COL4A3: variants seen among roughly 807,000 people sequenced by gnomAD.
COL4A3 encodes collagen type IV alpha 3 chain, also known as collagen alpha-3(IV) chain.
A neutral mutation model predicts 217.4 loss-of-function variants in COL4A3; 135 were observed. The ratio of observed to expected loss-of-function variants is 0.62; its 90% confidence interval spans 0.54 to 0.72. COL4A3 has a LOEUF of 0.72. Among genes scored for constraint, COL4A3 ranks in the 30% least tolerant of loss-of-function variants. COL4A3 has a pLI of 0.00. For synonymous variants in COL4A3, 690 were observed against 736.3 expected, an observed-to-expected ratio of 0.94 and a Z score of 1.02; for missense variants, 1,868 against 2,119.9, an observed-to-expected ratio of 0.88 and a Z score of 2.33.
At chr2:227,176,318 C>T (rs1246958763) in intron 1 of COL4A3, among the ~76,000 whole-genome samples, 3 of 152,176 alleles carry the variant, frequency 2.0e-5, no homozygotes, top group African/African-American at 7.2e-5. Flanking sequence ...AATATTTCCA[C>T]ATACCAGCGT....
intron 50 of COL4A3, 151 bp downstream of exon 50, chr2:227,309,469 CT>C (rs1037834555): frequency 0.12 from 47,439 of 393,638 alleles, 8 homozygotes; most frequent in South Asian, 0.18. Context: ...TACAAACAGA[CT>C]TTTTTTTTTT....
intron 38 of COL4A3, chr2:227,293,842 T>C (rs888602361): frequency 1.3e-5 from 6 of 463,720 alleles, no homozygotes; most frequent in Admixed American, 1.2e-4. Flanking sequence ...TCCAGTGTTT[T>C]CCAAGTGTCT....
chr2:227,229,258 G>T (rs978534861), intron 1 of COL4A3, among the ~76,000 whole-genome samples: 1 of 152,134 alleles, frequency 6.6e-6, no homozygotes, highest in Non-Finnish European at 1.5e-5. Context: ...TATTTGATCT[G>T]GCACCTTTCT....
intron 21 of COL4A3, among the ~76,000 whole-genome samples, chr2:227,266,190 A>T (rs909392505): frequency 6.6e-6 from 1 of 151,904 alleles, no homozygotes; most frequent in Non-Finnish European, 1.5e-5. Context: ...AAAAAAAAAA[A>T]TTATACAATG....
intron 35 of COL4A3, 118 bp downstream of exon 35, chr2:227,289,366 C>A: frequency 1.1e-6 from 1 of 904,036 alleles, no homozygotes; most frequent in Non-Finnish European, 1.8e-6. Context: ...GATAGTGTTC[C>A]AGCAGAAATT....
At chr2:227,222,149 A>AT (rs1268658458) in intron 1 of COL4A3, among the ~76,000 whole-genome samples, 1 of 88,586 alleles carries the variant, frequency 1.1e-5, no homozygotes, top group East Asian at 2.9e-4. Flanking sequence ...AATAATAATA[A>AT]TAATAATAAT....
At chr2:227,254,579 G>T in intron 14 of COL4A3, 77 bp from the exon 15 acceptor site, 1 of 1,150,314 alleles carries the variant, frequency 8.7e-7, no homozygotes, top group South Asian at 1.2e-5. Flanking sequence ...ATAACCAAAA[G>T]GGACAAATTA....
intron 20 of COL4A3, 73 bp from the exon 21 acceptor site, chr2:227,263,707 C>A: frequency 1.4e-6 from 2 of 1,404,934 alleles, no homozygotes; most frequent in Non-Finnish European, 9.8e-7. Flanking sequence ...TTAAATCACT[C>A]TTGCAATTAA....
At position 227,284,198 on chromosome 2, in the gene COL4A3, T is replaced by C. The variant is rs1216132437; in HGVS notation, c.2747-13T>C. On this transcript the variant is annotated splice_polypyrimidine_tract_variant and intron_variant, in intron 33 of 51. Transcript: ENST00000396578. ...AGAATTAAGGACCTGATGTTGTTAC[T>C]CCTGTCTGTTAGGGAGCCCTGGAAT... is the stretch of plus-strand genomic sequence containing the variant. The C allele has an allele frequency of 1.2e-6, 2 of 1,614,024 alleles. No homozygotes were observed. The highest frequency in any genetic ancestry group is 1.3e-5 in the African/African-American group (1 of 75,032).
chr2:227,291,573 AAAAAAAC>A (rs1559907652), intron 37 of COL4A3, among the ~76,000 whole-genome samples: 31 of 50,044 alleles, frequency 6.2e-4, no homozygotes, highest in South Asian at 1.8e-3. Context: ...AAAAAAAAAA[AAAAAAAC>A]AAAAAAAAAA....
chr2:227,244,799 CT>C, intron 4 of COL4A3, 151 bp from the exon 5 acceptor site: 4 of 830,472 alleles, frequency 4.8e-6, no homozygotes, highest in South Asian at 2.7e-5. Flanking sequence ...TTTGTTAAAC[CT>C]TTAGTATTTG....
chr2:227,202,454 A>C (rs1489110379), intron 1 of COL4A3, among the ~76,000 whole-genome samples: 1 of 152,026 alleles, frequency 6.6e-6, no homozygotes, highest in Non-Finnish European at 1.5e-5. Flanking sequence ...TTTAAAATAT[A>C]TTAATACTAG....
chr2:227,249,230 A>ATATTTTT, intron 9 of COL4A3, among the ~76,000 whole-genome samples: 3 of 14,692 alleles, frequency 2.0e-4, no homozygotes, highest in African/African-American at 2.7e-4. Flanking sequence ...ATATATATAT[A>ATATTTTT]TTTTTTTTTT....
chr2:227,295,149 T>A (rs1450330396), intron 40 of COL4A3, 87 bp downstream of exon 40: 2 of 1,521,066 alleles, frequency 1.3e-6, no homozygotes, highest in African/African-American at 2.7e-5. Flanking sequence ...GCTCTAAAGA[T>A]TTTTCTCTGA....
chr2:227,272,268 A>G (rs1489704620), intron 25 of COL4A3, among the ~76,000 whole-genome samples: 1 of 152,226 alleles, frequency 6.6e-6, no homozygotes, highest in East Asian at 1.9e-4. Context: ...GATGCTCCAT[A>G]AAGTAAATGA....
In COL4A3 at chr2:227,272,964, A is replaced by G; in HGVS notation, c.1774A>G (p.Lys592Glu). Residue 592 changes from lysine (K) to glutamate (E), a missense_variant, in exon 26 of 52, where the codon AAA (lysine) becomes GAA (glutamate). Physicochemically the swap from Lys to Glu is moderately conservative, Grantham distance 56. Coordinates refer to ENST00000396578, the MANE Select transcript of COL4A3 (RefSeq NM_000091.5). Reference sequence around the variant, plus strand: ...GTTGTCACAGGCTCTGAGTGGTGAGAAAGGGGACCAAGGTCCTCCAGGGGA... The same window carrying G: ...GTTGTCACAGGCTCTGAGTGGTGAGGAAGGGGACCAAGGTCCTCCAGGGGA... ...PKGELALSGE[K>E]GDQGPPGDPG... The G allele has an allele frequency of 1.2e-6, 2 of 1,614,102 alleles. No individual in the cohort carries two copies. Among genetic ancestry groups the G allele is most frequent in the Non-Finnish European group, 1.7e-6 (2 of 1,179,994 alleles).
chr2:227,211,210 A>G (rs1260622342), intron 1 of COL4A3, among the ~76,000 whole-genome samples: 2 of 152,336 alleles, frequency 1.3e-5, no homozygotes, highest in African/African-American at 4.8e-5. Context: ...CATGTTGGCC[A>G]GGATGGTCTT....
At chr2:227,223,609 T>C (rs1026578450) in intron 1 of COL4A3, among the ~76,000 whole-genome samples, 6 of 151,742 alleles carry the variant, frequency 4.0e-5, no homozygotes, top group Non-Finnish European at 8.8e-5. Flanking sequence ...CCGGGCATGA[T>C]TGTAATCCCA....
intron 27 of COL4A3, 102 bp downstream of exon 27, chr2:227,276,579 C>T (rs1446075175): frequency 1.1e-6 from 1 of 877,810 alleles, no homozygotes; most frequent in African/African-American, 1.6e-5. Context: ...AAAATGTATT[C>T]ATTGGCTCCA....
Sources: gnomAD v4.1 joint callset for allele counts (sites outside exome capture counted in the v4.1 genomes callset) on GRCh38, gnomAD v4.1.1 for gene constraint, MANE v1.5 for transcripts, NCBI Gene and HGNC (gene_info 2026-07-23, HGNC 2026-07-21) for gene names.